Variants in FHAD1 observed in about 807,000 individuals in gnomAD.
FHAD1 encodes the protein forkhead-associated domain-containing protein 1.
In FHAD1, 146 loss-of-function variants were observed where a neutral mutation model predicts 191.3. The ratio of observed to expected loss-of-function variants is 0.76; its 90% CI spans 0.67 to 0.88. FHAD1 has a LOEUF of 0.88. FHAD1 is among the 40% of genes least tolerant of loss of function. The pLI, the probability that FHAD1 is intolerant of heterozygous loss-of-function variation, is 0.00. For synonymous variants in FHAD1, 616 were observed against 672.3 expected, an observed-to-expected ratio of 0.92 and a Z score of 1.29; for missense variants, 1,635 against 1,785.8, an observed-to-expected ratio of 0.92 and a Z score of 1.52.
intron 27 of FHAD1, among the ~76,000 whole-genome samples, chr1:15,374,972 C>T (rs186112723): frequency 1.5e-4 from 22 of 151,544 alleles, no homozygotes; most frequent in African/African-American, 5.1e-4. Context: ...GATTGTCCTG[C>T]CTCAGCCTCC....
At chr1:15,263,510 C>CCTTTTT (rs1652008835) in intron 2 of FHAD1, among the ~76,000 whole-genome samples, 1 of 75,032 alleles carries the variant, frequency 1.3e-5, no homozygotes, top group Admixed American at 1.8e-4. Context: ...CAGTTTTATT[C>CCTTTTT]TTTTTTTTTT....
intron 2 of FHAD1, among the ~76,000 whole-genome samples, chr1:15,261,876 T>C (rs1366313159): frequency 6.6e-6 from 1 of 152,172 alleles, no homozygotes; most frequent in Non-Finnish European, 1.5e-5. Flanking sequence ...CAGGTGCCTG[T>C]CGTCCCAGGC....
At chr1:15,319,635 G>C (rs1675631685) in intron 10 of FHAD1, among the ~76,000 whole-genome samples, 1 of 152,012 alleles carries the variant, frequency 6.6e-6, no homozygotes, top group Non-Finnish European at 1.5e-5. Context: ...AAATATTCTT[G>C]AAAAAGTTTA....
chr1:15,264,606 T>A (rs1332423434), intron 2 of FHAD1, among the ~76,000 whole-genome samples: 1 of 151,606 alleles, frequency 6.6e-6, no homozygotes, highest in African/African-American at 2.4e-5. Context: ...CATATAAAAA[T>A]CATGTTGTCC....
At chr1:15,339,166 G>A (rs1355783098) in intron 14 of FHAD1, among the ~76,000 whole-genome samples, 2 of 151,974 alleles carry the variant, frequency 1.3e-5, no homozygotes, top group Non-Finnish European at 2.9e-5. Flanking sequence ...ACAAACATGC[G>A]CCACCACACC....
chr1:15,346,843 G>A (rs893049550), intron 18 of FHAD1, among the ~76,000 whole-genome samples: 16 of 152,220 alleles, frequency 1.1e-4, no homozygotes, highest in African/African-American at 3.4e-4. Flanking sequence ...CTCCCTTCTC[G>A]AAGGGGCGGC....
At chr1:15,293,555 T>G (rs1448609952) in intron 4 of FHAD1, among the ~76,000 whole-genome samples, 1 of 152,028 alleles carries the variant, frequency 6.6e-6, no homozygotes, top group East Asian at 1.9e-4. Flanking sequence ...CCATCTCTAC[T>G]AAAAATACAA....
intron 2 of FHAD1, among the ~76,000 whole-genome samples, chr1:15,262,450 G>A (rs1244672237): frequency 2.0e-5 from 3 of 152,170 alleles, no homozygotes; most frequent in African/African-American, 7.2e-5. Flanking sequence ...GGAAGTAGGA[G>A]AGCTAGAAAC....
In FHAD1 at chr1:15,382,192, A is replaced by C. The variant is rs1405373680; in HGVS notation, c.4187A>C (p.Lys1396Thr). ...KRINRAIRQQ[K>T]ESVEEHELRN... ...ATCAACAGGGCCATCCGGCAGCAGA[A>C]GGTGAGGCGCTGCTGCCCAGGGCAG... The change falls in exon 31 of 34, where the codon AAG becomes ACG. Residue 1396 changes from lysine (K) to threonine (T), a missense_variant and splice_region_variant. By Grantham distance (78) the Lys-to-Thr change is moderately conservative. Coordinates refer to ENST00000688493, the MANE Select transcript of FHAD1 (RefSeq NM_001391957.1). 4 of 1,550,754 alleles carry C rather than the reference A, an allele frequency of 2.6e-6. No homozygotes were observed. The South Asian group carries it at 4.8e-5, about 18-fold the overall frequency.
At chr1:15,377,969 G>C (rs1413901313) in intron 28 of FHAD1, among the ~76,000 whole-genome samples, 1 of 152,072 alleles carries the variant, frequency 6.6e-6, no homozygotes, top group Non-Finnish European at 1.5e-5. Context: ...CAGCAGCCTG[G>C]GTCAGTTACC....
chr1:15,347,478 T>C (rs970275570), intron 18 of FHAD1, among the ~76,000 whole-genome samples: 1 of 152,170 alleles, frequency 6.6e-6, no homozygotes, highest in Non-Finnish European at 1.5e-5. Flanking sequence ...TTGATTTTCT[T>C]TTTTTCTGTC....
intron 29 of FHAD1, among the ~76,000 whole-genome samples, chr1:15,380,999 G>A (rs1216515290): frequency 6.6e-6 from 1 of 152,170 alleles, no homozygotes; most frequent in African/African-American, 2.4e-5. Flanking sequence ...AGAATGAAGT[G>A]TTTATATCTG....
At position 15,327,821 on chromosome 1, in the gene FHAD1, G is replaced by C. The variant is rs1454893807; in HGVS notation, c.1558-456G>C. ...GGCCGAGGCGGGTGGATCACCTCAG[G>C]TCGGGAGTTCGAAACCAGCCTGACC... is the stretch of plus-strand genomic sequence containing the variant. On this transcript the variant is annotated intron_variant, in intron 12 of 33. Transcript: ENST00000688493. The surrounding 1 kb of genome is among the most constrained non-coding windows in gnomAD (Gnocchi z 5.1). The C allele has an allele frequency of 6.6e-6, 1 of 152,310 alleles. No homozygotes were observed. The highest frequency in any genetic ancestry group is 1.5e-5 in the Non-Finnish European group (1 of 68,214). The allele number at this position is 152,310 out of a possible 1,614,324, so 9.4% of individuals were successfully genotyped here. A position where few individuals can be genotyped will look rare whatever the true frequency, so the allele number is the denominator to read the frequency against.
downstream of FHAD1, among the ~76,000 whole-genome samples, chr1:15,402,418 T>G (rs954194848): frequency 2.6e-5 from 4 of 152,350 alleles, no homozygotes; most frequent in Middle Eastern, 6.8e-3. Context: ...ATGTGCCATG[T>G]TGGTGTGCTG....
chr1:15,293,382 C>G (rs1016878331), intron 4 of FHAD1, among the ~76,000 whole-genome samples: 11 of 152,168 alleles, frequency 7.2e-5, no homozygotes, highest in African/African-American at 2.4e-4. Flanking sequence ...TTTTTTCACT[C>G]TGCATATTTC....
intron 2 of FHAD1, among the ~76,000 whole-genome samples, chr1:15,253,947 T>A (rs546751035): frequency 2.6e-5 from 4 of 152,328 alleles, no homozygotes; most frequent in Non-Finnish European, 4.4e-5. Flanking sequence ...AGGGTTTTTT[T>A]ATAGATGTTC....
At chr1:15,361,282 C>A (rs1470444370) in intron 22 of FHAD1, among the ~76,000 whole-genome samples, 1 of 152,194 alleles carries the variant, frequency 6.6e-6, no homozygotes, top group Non-Finnish European at 1.5e-5. Context: ...GGAGCAGGAT[C>A]ATTTTTTCAT....
At chr1:15,293,440 C>T (rs1348674171) in intron 4 of FHAD1, among the ~76,000 whole-genome samples, 2 of 152,124 alleles carry the variant, frequency 1.3e-5, no homozygotes, top group South Asian at 2.1e-4. Context: ...TTCCTTGTGG[C>T]CAGGCGCGGT....
At chr1:15,382,226 A>G (rs1436394979) in intron 31 of FHAD1, 33 bp downstream of exon 31, 2 of 1,545,114 alleles carry the variant, frequency 1.3e-6, no homozygotes, top group Admixed American at 2.0e-5. Flanking sequence ...AGAACCTCCC[A>G]GGCTGCCCTG....
Sources: allele counts gnomAD v4.1 joint callset (sites outside exome capture counted in the v4.1 genomes callset), GRCh38; gene constraint gnomAD v4.1.1; non-coding constraint Gnocchi (gnomAD v3.1); transcripts MANE v1.5; gene names NCBI Gene and HGNC (gene_info 2026-07-23, HGNC 2026-07-21).